The following TBC1D22A variants were observed in gnomAD, a reference collection of about 807,000 sequenced individuals.
TBC1D22A encodes TBC1 domain family member 22A.
Under a neutral mutation model 60.2 loss-of-function variants are expected in TBC1D22A, and 38 were observed. That is an observed-to-expected ratio of 0.63 (90% CI 0.49 to 0.83). The LOEUF (loss-of-function observed/expected upper bound fraction) is 0.83, where lower values mean the gene tolerates loss of function less well. TBC1D22A is among the 40% of genes least tolerant of loss of function. The pLI, the probability that TBC1D22A is intolerant of heterozygous loss-of-function variation, is 0.00. For synonymous variants in TBC1D22A, 302 were observed against 281.7 expected (o/e 1.07, Z -0.72); for missense variants, 628 against 701.0 (o/e 0.90, Z 1.18).
chr22:47,049,509 A>G (rs1032635875), intron 11 of TBC1D22A, among the ~76,000 whole-genome samples: 1 of 152,236 alleles, frequency 6.6e-6, no homozygotes, highest in African/African-American at 2.4e-5. Context: ...GAGTACATGC[A>G]TATTGCTGAA....
chr22:46,882,086 A>G (rs900606292), intron 5 of TBC1D22A, among the ~76,000 whole-genome samples: 4 of 152,130 alleles, frequency 2.6e-5, no homozygotes, highest in Non-Finnish European at 5.9e-5. Context: ...CCTCTTTATC[A>G]TTCCCTGAAT....
intron 10 of TBC1D22A, among the ~76,000 whole-genome samples, chr22:47,031,031 A>G (rs1412934737): frequency 6.6e-6 from 1 of 152,224 alleles, no homozygotes; most frequent in East Asian, 1.9e-4. Flanking sequence ...TGCCTTCTGG[A>G]TGGATGTCCC....
At chr22:46,959,128 A>T (rs912059070) in intron 8 of TBC1D22A, among the ~76,000 whole-genome samples, 1 of 152,092 alleles carries the variant, frequency 6.6e-6, no homozygotes, top group Non-Finnish European at 1.5e-5. Context: ...GCTTTCCTGG[A>T]TGAGGAACTG....
chr22:46,779,342 A>C (rs1052132558), intron 1 of TBC1D22A, among the ~76,000 whole-genome samples: 1 of 151,834 alleles, frequency 6.6e-6, no homozygotes, highest in African/African-American at 2.4e-5. Context: ...AAATGTCGTT[A>C]TGTGGTGCGT....
intron 9 of TBC1D22A, among the ~76,000 whole-genome samples, chr22:46,985,389 C>T (rs1339670371): frequency 6.6e-6 from 1 of 152,054 alleles, no homozygotes; most frequent in African/African-American, 2.4e-5. Flanking sequence ...TTCAGAGCCC[C>T]AGTCAATAAA....
intron 11 of TBC1D22A, among the ~76,000 whole-genome samples, chr22:47,066,743 A>T (rs2063784830): frequency 6.6e-6 from 1 of 152,086 alleles, no homozygotes; most frequent in Non-Finnish European, 1.5e-5. Flanking sequence ...GCATCGGGGA[A>T]ACCCTAGGTC....
At chr22:46,900,358 G>A (rs1303434095) in intron 7 of TBC1D22A, among the ~76,000 whole-genome samples, 1 of 152,022 alleles carries the variant, frequency 6.6e-6, no homozygotes, top group Non-Finnish European at 1.5e-5. Context: ...CACCATCTTG[G>A]TCAGACTGGT....
intron 11 of TBC1D22A, among the ~76,000 whole-genome samples, chr22:47,040,693 C>T (rs533431348): frequency 1.2e-4 from 19 of 152,158 alleles, no homozygotes; most frequent in Non-Finnish European, 2.1e-4. Flanking sequence ...GGAGGTTACC[C>T]CGTGCGGGAC....
rs182981482 is a variant in TBC1D22A, at chr22:47,072,074, G to A, written c.1329+34876G>A. On this transcript the variant is annotated intron_variant, in intron 11 of 12. Transcript: ENST00000337137. ...TCATTTGTCATGAATACTCAGATGC[G>A]GTTTTCTCTAGCAGCCCTCCGAGTG... Among the ~76,000 whole-genome samples, 273 of 145,206 alleles carry A rather than the reference G, an allele frequency of 1.9e-3. 3 individuals carry two copies. The highest frequency in any genetic ancestry group is 0.017 in the Admixed American group (249 of 14,632).
At chr22:46,972,166 CG>C (rs1315096863) in intron 8 of TBC1D22A, among the ~76,000 whole-genome samples, 2 of 152,192 alleles carry the variant, frequency 1.3e-5, no homozygotes, top group Non-Finnish European at 2.9e-5. Context: ...TTCACAAGCC[CG>C]GGTCCCAGGA....
chr22:46,965,652 A>T (rs531795479), intron 8 of TBC1D22A, among the ~76,000 whole-genome samples: 35 of 152,186 alleles, frequency 2.3e-4, no homozygotes, highest in Non-Finnish European at 4.4e-4. Flanking sequence ...ATCTTACTGA[A>T]TTTATTTAGT....
chr22:47,142,838 A>C, intron 12 of TBC1D22A, among the ~76,000 whole-genome samples: 3 of 80,018 alleles, frequency 3.7e-5, no homozygotes, highest in Non-Finnish European at 4.9e-5. Flanking sequence ...CCTCCCATCC[A>C]CCCATCCATT....
intron 9 of TBC1D22A, among the ~76,000 whole-genome samples, chr22:46,975,832 G>A (rs1280285096): frequency 3.3e-5 from 5 of 152,198 alleles, no homozygotes; most frequent in Non-Finnish European, 5.9e-5. Context: ...TTTTCATGAT[G>A]TAGGAATGAA....
At chr22:47,108,041 G>A (rs1253536511) in intron 11 of TBC1D22A, among the ~76,000 whole-genome samples, 6 of 152,104 alleles carry the variant, frequency 3.9e-5, no homozygotes, top group Non-Finnish European at 1.5e-5. Flanking sequence ...TAAAACCCAC[G>A]ATCTTCAAAA....
intron 4 of TBC1D22A, among the ~76,000 whole-genome samples, chr22:46,840,593 C>T (rs965154697): frequency 6.6e-6 from 1 of 151,994 alleles, no homozygotes; most frequent in Non-Finnish European, 1.5e-5. Context: ...ATTAGCTGGG[C>T]ATGGTAGTGT....
At chr22:46,955,554 T>C (rs770746150) in intron 8 of TBC1D22A, among the ~76,000 whole-genome samples, 1 of 152,216 alleles carries the variant, frequency 6.6e-6, no homozygotes, top group African/African-American at 2.4e-5. Context: ...ATTTCTTATG[T>C]TCGGGAAGAT....
At chr22:46,801,325 G>GT (rs1470340692) in intron 4 of TBC1D22A, among the ~76,000 whole-genome samples, 6 of 152,240 alleles carry the variant, frequency 3.9e-5, no homozygotes, top group Admixed American at 3.9e-4. Flanking sequence ...CATGAAAGAC[G>GT]TAAGTGGCAA....
chr22:46,994,152 G>C (rs922983677), intron 9 of TBC1D22A, among the ~76,000 whole-genome samples: 2 of 152,130 alleles, frequency 1.3e-5, no homozygotes, highest in African/African-American at 2.4e-5. Flanking sequence ...CTGAGAATCC[G>C]TCTTCCCTAC....
At chr22:47,131,610 G>A (rs1352145173) in intron 12 of TBC1D22A, among the ~76,000 whole-genome samples, 1 of 152,224 alleles carries the variant, frequency 6.6e-6, no homozygotes, top group Non-Finnish European at 1.5e-5. Context: ...CTCTGCCCAT[G>A]CGATGGGACC....
Sources: allele counts gnomAD v4.1 joint callset (sites outside exome capture counted in the v4.1 genomes callset), GRCh38; gene constraint gnomAD v4.1.1; transcripts MANE v1.5; gene names NCBI Gene and HGNC (gene_info 2026-07-23, HGNC 2026-07-21).